TNFRSF8: variants seen among roughly 807,000 people sequenced by gnomAD.
TNFRSF8 encodes the protein tumor necrosis factor receptor superfamily member 8.
A neutral mutation model predicts 70.8 loss-of-function variants in TNFRSF8; 26 were observed. That is an observed-to-expected ratio of 0.37 (90% confidence interval 0.27 to 0.51). TNFRSF8 has a LOEUF of 0.51. TNFRSF8 is among the 20% of genes least tolerant of loss of function. The pLI, the probability that TNFRSF8 is intolerant of heterozygous loss-of-function variation, is 0.94. For synonymous variants in TNFRSF8, 356 were observed against 339.2 expected (o/e 1.05, Z -0.54); for missense variants, 720 against 807.9 (o/e 0.89, Z 1.32).
intron 1 of TNFRSF8, among the ~76,000 whole-genome samples, chr1:12,084,141 C>G (rs896287910): frequency 2.2e-4 from 34 of 152,106 alleles, no homozygotes; most frequent in African/African-American, 8.0e-4. Context: ...AGGTAGGAAG[C>G]AATTATGTTA....
chr1:12,126,994 G>C (rs6689178), intron 12 of TNFRSF8, among the ~76,000 whole-genome samples: 7,054 of 152,204 alleles, frequency 0.046, 438 homozygotes, highest in East Asian at 0.23. Context: ...CCTGCACTCT[G>C]ATCCCTGCCC....
At chr1:12,065,511 C>A (rs1311763447) in intron 1 of TNFRSF8, among the ~76,000 whole-genome samples, 1 of 152,220 alleles carries the variant, frequency 6.6e-6, no homozygotes, top group African/African-American at 2.4e-5. Context: ...TCATCCTGAT[C>A]CCTTCAAAGA....
At chr1:12,136,386 C>T (rs1570085882) in intron 13 of TNFRSF8, among the ~76,000 whole-genome samples, 1 of 152,124 alleles carries the variant, frequency 6.6e-6, no homozygotes, top group South Asian at 2.1e-4. Context: ...TGATGGCTCA[C>T]ACTTAAAATC....
chr1:12,108,447 T>C lies in TNFRSF8; in HGVS notation c.422-1119T>C, dbSNP rs1570039325. ...GTGTAAGGACATAGCATTTACCATA[T>C]GTCATGCAATGTGATGGGCACCTCA... is the stretch of plus-strand genomic sequence containing the variant. On this transcript the variant is annotated intron_variant, in intron 4 of 14. Transcript: ENST00000263932. The surrounding 1 kb of genome is among the most constrained non-coding windows in gnomAD (Gnocchi z 4.0). Among the ~76,000 whole-genome samples the C allele has an allele frequency of 6.6e-6, 1 of 152,200 alleles. No homozygotes were observed. The highest frequency in any genetic ancestry group is 6.5e-5 in the Admixed American group (1 of 15,274).
chr1:12,114,251 A>G (rs1185171034), intron 7 of TNFRSF8, among the ~76,000 whole-genome samples: 1 of 152,202 alleles, frequency 6.6e-6, no homozygotes, highest in Non-Finnish European at 1.5e-5. Context: ...ATCTCAGAGA[A>G]CCATGTGAGA....
chr1:12,142,686 G>C lies in TNFRSF8; in HGVS notation c.*155G>C. ...ACCGGCCGGTCACTGCAGGGGTCTG[G>C]TGGTCTCTGCTTGCATCCCCAACTT... On this transcript the variant is annotated 3_prime_UTR_variant, in exon 15 of 15. Transcript: ENST00000263932. The surrounding 1 kb of genome is among the most constrained non-coding windows in gnomAD (Gnocchi z 5.0). The C allele has an allele frequency of 4.8e-6, 5 of 1,047,620 alleles. No homozygotes were observed. Among genetic ancestry groups the C allele is most frequent in the Non-Finnish European group, 6.7e-6 (5 of 745,130 alleles). The allele number at this position is 1,047,620 out of a possible 1,614,324, so 64.9% of individuals were successfully genotyped here.
At chr1:12,078,821 G>T (rs1641012988) in intron 1 of TNFRSF8, among the ~76,000 whole-genome samples, 1 of 152,216 alleles carries the variant, frequency 6.6e-6, no homozygotes, top group Non-Finnish European at 1.5e-5. Context: ...AAAGCAAACC[G>T]TTCCAGCATT....
chr1:12,139,174 A>C (rs1217688076), intron 14 of TNFRSF8, among the ~76,000 whole-genome samples: 1 of 152,122 alleles, frequency 6.6e-6, no homozygotes, highest in Non-Finnish European at 1.5e-5. Flanking sequence ...CCTGCCGAGA[A>C]GCCTCCAGCA....
At chr1:12,077,075 A>G (rs956503376) in intron 1 of TNFRSF8, among the ~76,000 whole-genome samples, 1 of 152,012 alleles carries the variant, frequency 6.6e-6, no homozygotes, top group Admixed American at 6.6e-5. Flanking sequence ...TTCCACCACA[A>G]CCAGCTAATT....
chr1:12,126,999 C>T (rs1641953806), intron 12 of TNFRSF8, among the ~76,000 whole-genome samples: 1 of 152,224 alleles, frequency 6.6e-6, no homozygotes, highest in South Asian at 2.1e-4. Flanking sequence ...ACTCTGATCC[C>T]TGCCCAGCCT....
intron 12 of TNFRSF8, among the ~76,000 whole-genome samples, chr1:12,134,992 T>C (rs866178074): frequency 1.3e-5 from 2 of 151,866 alleles, no homozygotes; most frequent in Middle Eastern, 3.4e-3. Context: ...GGGAGAGTGG[T>C]TCAGTGTGTT....
intron 2 of TNFRSF8, among the ~76,000 whole-genome samples, chr1:12,085,259 C>T (rs1298271121): frequency 6.6e-6 from 1 of 152,058 alleles, no homozygotes; most frequent in Non-Finnish European, 1.5e-5. Context: ...TACCGGCATG[C>T]ACCACCACAC....
In TNFRSF8 at chr1:12,138,145, TGA is replaced by T; in HGVS notation, c.1336-83_1336-82del. The T allele has an allele frequency of 7.2e-7, 1 of 1,390,790 alleles. No homozygotes were observed. The highest frequency in any genetic ancestry group is 9.8e-7 in the Non-Finnish European group (1 of 1,018,964). The allele number at this position is 1,390,790 out of a possible 1,614,324, so 86.2% of individuals were successfully genotyped here. A position where few individuals can be genotyped will look rare whatever the true frequency, so the allele number is the denominator to read the frequency against. On this transcript the variant is annotated intron_variant, in intron 13 of 14. Transcript: ENST00000263932. The surrounding 1 kb of genome is among the most constrained non-coding windows in gnomAD (Gnocchi z 5.7). ...GGGGACTCACTGGGGTCTGTAGAGA[TGA>T]AAAAAAAAAGGGGCCTCCCAGTTCA...
intron 8 of TNFRSF8, among the ~76,000 whole-genome samples, chr1:12,117,833 C>T (rs1447282629): frequency 6.6e-6 from 1 of 152,090 alleles, no homozygotes; most frequent in East Asian, 1.9e-4. Context: ...TCATGGTCCA[C>T]CTACCTATAC....
chr1:12,074,719 G>A (rs940631623), intron 1 of TNFRSF8, among the ~76,000 whole-genome samples: 4 of 152,166 alleles, frequency 2.6e-5, no homozygotes, highest in African/African-American at 9.7e-5. Flanking sequence ...CACATCAAAG[G>A]TTCTGAGAAG....
At chr1:12,097,528 G>A (rs948600814) in intron 3 of TNFRSF8, among the ~76,000 whole-genome samples, 2 of 152,146 alleles carry the variant, frequency 1.3e-5, no homozygotes, top group African/African-American at 4.8e-5. Flanking sequence ...AGGAATTTGA[G>A]GATAGGGAGG....
chr1:12,119,978 A>G lies in TNFRSF8; in HGVS notation c.947-3306A>G, dbSNP rs1347850729. ...CTAGAACCAGAATGCAGGGATCCCA[A>G]GGGTCAGCCCAGAGTACTTCCACTG... On this transcript the variant is annotated intron_variant, in intron 8 of 14. Coordinates refer to ENST00000263932, the MANE Select transcript of TNFRSF8 (RefSeq NM_001243.5). This position sits in a 1 kb window ranked among gnomAD's most constrained non-coding sequence, Gnocchi z 4.4. 6.6e-6 allele frequency among the ~76,000 whole-genome samples: 1 copy of G among 152,210 alleles called. No individual in the cohort carries two copies. Among genetic ancestry groups the G allele is most frequent in the African/African-American group, 2.4e-5 (1 of 41,462 alleles).
chr1:12,129,377 G>A (rs1469755796), intron 12 of TNFRSF8, among the ~76,000 whole-genome samples: 3 of 152,148 alleles, frequency 2.0e-5, no homozygotes, highest in East Asian at 1.9e-4. Context: ...TACACGATGT[G>A]GTAAGGATCG....
intron 14 of TNFRSF8, among the ~76,000 whole-genome samples, chr1:12,139,675 A>G (rs1642218663): frequency 6.6e-6 from 1 of 152,192 alleles, no homozygotes; most frequent in Non-Finnish European, 1.5e-5. Flanking sequence ...GTCATTTGTA[A>G]TTGTCCTGTG....
Sources: allele counts gnomAD v4.1 joint callset (sites outside exome capture counted in the v4.1 genomes callset), GRCh38; gene constraint gnomAD v4.1.1; non-coding constraint Gnocchi (gnomAD v3.1); transcripts MANE v1.5; gene names NCBI Gene and HGNC (gene_info 2026-07-23, HGNC 2026-07-21).